Variants in PHF21A observed in about 807,000 individuals in gnomAD.
PHF21A encodes PHD finger protein 21A, also known as BHC80a.
Under a neutral mutation model 82.5 loss-of-function variants are expected in PHF21A, and 11 were observed. The ratio of observed to expected loss-of-function variants is 0.13; its 90% CI spans 0.08 to 0.22. The LOEUF is 0.22. Ranked by LOEUF, PHF21A falls within the 10% of genes least tolerant of loss-of-function variation. The pLI is 1.00. For missense variants in PHF21A, 579 were observed against 837.8 expected (o/e 0.69, Z 3.81); for synonymous variants, 297 against 302.8 (o/e 0.98, Z 0.20).
At position 45,999,458 on chromosome 11, in the gene PHF21A, C is replaced by T. The variant is rs577485129; in HGVS notation, c.154-19492G>A. Among the ~76,000 whole-genome samples the T allele has an allele frequency of 3.9e-5, 6 of 152,234 alleles. No individual in the cohort carries two copies. The East Asian group carries it at 1.2e-3, about 29-fold the overall frequency. ...AATAGCACATAGTATATACTTCCAC[C>T]AGGTTCTATTCTTTACATTTAGAAG... On this transcript the variant is annotated intron_variant, in intron 6 of 18. Transcript: ENST00000676320.
At chr11:46,027,409 T>C (rs1198744275) in intron 6 of PHF21A, among the ~76,000 whole-genome samples, 1 of 152,256 alleles carries the variant, frequency 6.6e-6, no homozygotes, top group Non-Finnish European at 1.5e-5. Context: ...AGTATTATAA[T>C]TCTGCACTCA....
intron 6 of PHF21A, among the ~76,000 whole-genome samples, chr11:46,033,854 T>C (rs2095922175): frequency 6.6e-6 from 1 of 152,360 alleles, no homozygotes; most frequent in East Asian, 1.9e-4. Flanking sequence ...CTATTTCTAT[T>C]GGACAGTGCT....
chr11:45,969,877 T>A lies in PHF21A; in HGVS notation c.640A>T (p.Ile214Phe). 1 of 1,613,866 alleles carries A rather than the reference T, an allele frequency of 6.2e-7. No individual in the cohort carries two copies. The highest frequency in any genetic ancestry group is 8.5e-7 in the Non-Finnish European group (1 of 1,179,844). Residue 214 changes from isoleucine (I) to phenylalanine (F), a missense_variant, in exon 9 of 19, where the codon ATC becomes TTC. This residue lies in a region of PHF21A where 410 missense variants were observed against 642.1 expected (regional missense o/e 0.64). Transcript: ENST00000676320. ...GGGGGGATAAACTGTGGTACTTTGATGGGCTGAGGAGGTGTTGCCTGAACC... is the reference window on the plus strand; with the variant it reads ...GGGGGGATAAACTGTGGTACTTTGAAGGGCTGAGGAGGTGTTGCCTGAACC... ...LQVQATPPQP[I>F]KVPQFIPPPR... is the part of the protein sequence containing the mutation.
chr11:46,064,959 G>A (rs1014108309), intron 6 of PHF21A, among the ~76,000 whole-genome samples: 3 of 152,180 alleles, frequency 2.0e-5, no homozygotes, highest in African/African-American at 7.2e-5. Flanking sequence ...AATCCACAGA[G>A]CCAGTAACAA....
At chr11:46,045,596 G>A (rs1438365883) in intron 6 of PHF21A, among the ~76,000 whole-genome samples, 3 of 152,038 alleles carry the variant, frequency 2.0e-5, no homozygotes, top group African/African-American at 7.2e-5. Flanking sequence ...AGAATCACAA[G>A]GACTCAAAGC....
chr11:45,942,229 T>TA (rs2090492678), intron 15 of PHF21A, among the ~76,000 whole-genome samples: 1 of 152,180 alleles, frequency 6.6e-6, no homozygotes, highest in African/African-American at 2.4e-5. Context: ...TTTCAATTTT[T>TA]AAAAAAACCT....
intron 18 of PHF21A, chr11:45,935,243 G>A (rs767033768): frequency 2.1e-4 from 267 of 1,298,144 alleles, no homozygotes; most frequent in Non-Finnish European, 2.6e-4. Flanking sequence ...ACTCGCTCAG[G>A]TGACTAGGAA....
chr11:45,996,018 A>ATT (rs2094896205), intron 6 of PHF21A, among the ~76,000 whole-genome samples: 1 of 152,102 alleles, frequency 6.6e-6, no homozygotes, highest in South Asian at 2.1e-4. Context: ...ATCATAGCTC[A>ATT]TTATAACCTC....
At chr11:45,950,385 C>T (rs1290083910) in intron 11 of PHF21A, 128 bp from the exon 12 acceptor site, 6 of 629,464 alleles carry the variant, frequency 9.5e-6, no homozygotes, top group Non-Finnish European at 1.4e-5. Context: ...CAAGAGCAGG[C>T]ATTCTCTAAG....
At chr11:46,090,163 G>A (rs1175161698) in intron 3 of PHF21A, among the ~76,000 whole-genome samples, 1 of 151,886 alleles carries the variant, frequency 6.6e-6, no homozygotes, top group East Asian at 1.9e-4. Context: ...GGAGGTTGGG[G>A]AGTAAGGTAT....
At chr11:46,002,823 G>A (rs888773697) in intron 6 of PHF21A, among the ~76,000 whole-genome samples, 1 of 151,482 alleles carries the variant, frequency 6.6e-6, no homozygotes, top group African/African-American at 2.4e-5. Flanking sequence ...CCCCAAGGCC[G>A]AAATTTGTAA....
At chr11:45,998,713 T>C (rs550821516) in intron 6 of PHF21A, among the ~76,000 whole-genome samples, 2 of 152,192 alleles carry the variant, frequency 1.3e-5, no homozygotes, top group South Asian at 4.2e-4. Context: ...GGTTTCTCCA[T>C]GTTGGTCAGG....
Position 45,931,308 on chromosome 11 carries a change from C to G in PHF21A, c.*2660G>C, listed in dbSNP as rs1033738950. On this transcript the variant is annotated 3_prime_UTR_variant, in exon 19 of 19. Coordinates refer to ENST00000676320, the MANE Select transcript of PHF21A (RefSeq NM_001352027.3). ...GTGGCAACCCCCAGATGGGCCCAGACAAGTTGAGGGGAAGAGCTCTAGACA... is the reference window on the plus strand; with the variant it reads ...GTGGCAACCCCCAGATGGGCCCAGAGAAGTTGAGGGGAAGAGCTCTAGACA... 6.6e-6 allele frequency: 1 copy of G among 152,232 alleles called. No homozygotes were observed. The highest frequency in any genetic ancestry group is 1.9e-4 in the East Asian group (1 of 5,194). 9.4% of individuals were successfully genotyped at this position (152,232 alleles called of 1,614,324 possible). A position where few individuals can be genotyped will look rare whatever the true frequency, so the allele number is the denominator to read the frequency against.
intron 2 of PHF21A, among the ~76,000 whole-genome samples, chr11:46,090,833 C>T (rs1257883258): frequency 6.6e-6 from 1 of 151,992 alleles, no homozygotes; most frequent in Non-Finnish European, 1.5e-5. Context: ...CCCATTTATA[C>T]CTAGTGTTCC....
rs2095853746 is a variant in PHF21A at position 46,030,860 on chromosome 11, T to TGC, written c.153+45893_153+45894insGC. 4.6e-5 allele frequency among the ~76,000 whole-genome samples: 7 copies of TGC among 150,698 alleles called. No individual in the cohort carries two copies. In the South Asian group the frequency reaches 1.5e-3, roughly 32 times the overall value. On this transcript the variant is annotated intron_variant, in intron 6 of 18. Coordinates refer to ENST00000676320, the MANE Select transcript of PHF21A (RefSeq NM_001352027.3). ...GTGTGTGTGTGTGTGTGTGTGTGTG[T>TGC]GTGTGTGTGTTTCCAGTAGCAATTT...
At chr11:46,070,065 T>C (rs2096638431) in intron 6 of PHF21A, among the ~76,000 whole-genome samples, 1 of 152,222 alleles carries the variant, frequency 6.6e-6, no homozygotes, top group Admixed American at 6.5e-5. Flanking sequence ...GAGTCAGGAA[T>C]AGAATCAAAC....
intron 6 of PHF21A, among the ~76,000 whole-genome samples, chr11:46,023,703 C>T (rs1302792550): frequency 1.3e-5 from 2 of 152,180 alleles, no homozygotes; most frequent in Non-Finnish European, 2.9e-5. Flanking sequence ...TGCCTGTAAT[C>T]CCAACACTTT....
intron 16 of PHF21A, among the ~76,000 whole-genome samples, chr11:45,937,167 G>T (rs1386442884): frequency 6.6e-6 from 1 of 152,198 alleles, no homozygotes; most frequent in East Asian, 1.9e-4. Flanking sequence ...ACCAGAATTT[G>T]TTCAAAGCAG....
intron 1 of PHF21A, 29 bp downstream of exon 1, chr11:46,120,906 G>A (rs1285188216): frequency 6.5e-6 from 1 of 152,740 alleles, no homozygotes; most frequent in African/African-American, 2.4e-5. Flanking sequence ...GTGAGAAGAA[G>A]AGAGAATGGA....
Sources: allele counts gnomAD v4.1 joint callset (sites outside exome capture counted in the v4.1 genomes callset), GRCh38; gene constraint gnomAD v4.1.1; regional missense constraint gnomAD v4.1.1; transcripts MANE v1.5; gene names NCBI Gene and HGNC (gene_info 2026-07-23, HGNC 2026-07-21).